YEATS4: variants seen among roughly 807,000 people sequenced by gnomAD.
YEATS4 encodes YEATS domain containing 4.
A neutral mutation model predicts 30.1 loss-of-function variants in YEATS4; 17 were observed. The ratio of observed to expected loss-of-function variants is 0.56; its 90% CI spans 0.39 to 0.85. The LOEUF is 0.85. YEATS4 is among the 40% of genes least tolerant of loss of function. YEATS4 has a pLI of 0.00. For missense variants in YEATS4, 142 were observed against 268.3 expected, an observed-to-expected ratio of 0.53 and a Z score of 3.29; for synonymous variants, 85 against 87.5, an observed-to-expected ratio of 0.97 and a Z score of 0.16.
the YEATS4 span, among the ~76,000 whole-genome samples, chr12:69,403,589 AAAG>A: frequency 1.3e-5 from 2 of 151,928 alleles, no homozygotes; most frequent in African/African-American, 2.4e-5. Context: ...AAAAAAAAAA[AAAG>A]AAAAAAAGAG....
At chr12:69,371,336 A>G (rs946615665) in intron 6 of YEATS4, among the ~76,000 whole-genome samples, 2 of 152,178 alleles carry the variant, frequency 1.3e-5, no homozygotes, top group Non-Finnish European at 2.9e-5. Context: ...CCATAATTAT[A>G]CTTTTATATA....
chr12:69,392,266 C>A (rs1421304872), downstream of YEATS4, among the ~76,000 whole-genome samples: 1 of 152,088 alleles, frequency 6.6e-6, no homozygotes, highest in Non-Finnish European at 1.5e-5. Context: ...AAAATTGGAA[C>A]CCTCATATAT....
intron 6 of YEATS4, among the ~76,000 whole-genome samples, chr12:69,380,456 G>A (rs1031930766): frequency 9.2e-5 from 14 of 152,162 alleles, no homozygotes; most frequent in African/African-American, 3.1e-4. Context: ...CCAAACAAAC[G>A]GAGTTTCTGT....
chr12:69,373,767 T>A (rs941403071), intron 6 of YEATS4, among the ~76,000 whole-genome samples: 1 of 151,960 alleles, frequency 6.6e-6, no homozygotes, highest in Non-Finnish European at 1.5e-5. Context: ...GATCTTAGAT[T>A]TAAGTCTTTA....
the YEATS4 span, among the ~76,000 whole-genome samples, chr12:69,402,608 T>C: frequency 6.6e-6 from 1 of 152,136 alleles, no homozygotes; most frequent in Non-Finnish European, 1.5e-5. Context: ...CAGTCAGACA[T>C]AGATGAGTGC....
chr12:69,418,514 C>T, the YEATS4 span, among the ~76,000 whole-genome samples: 1 of 152,176 alleles, frequency 6.6e-6, no homozygotes, highest in African/African-American at 2.4e-5. Flanking sequence ...GTTTGCTCTC[C>T]TTCTTTGTTA....
chr12:69,413,589 C>A, the YEATS4 span, among the ~76,000 whole-genome samples: 2 of 145,022 alleles, frequency 1.4e-5, no homozygotes, highest in Admixed American at 1.5e-4. Context: ...CAGTGACTCA[C>A]ACCTGTAATC....
intron 6 of YEATS4, among the ~76,000 whole-genome samples, chr12:69,371,418 A>G (rs190118509): frequency 1.5e-4 from 23 of 152,336 alleles, no homozygotes; most frequent in African/African-American, 5.3e-4. Context: ...TCAAGTGTTG[A>G]CTACCTGAAT....
chr12:69,388,980 T>C (rs761057856), intron 6 of YEATS4, among the ~76,000 whole-genome samples: 2 of 152,098 alleles, frequency 1.3e-5, no homozygotes, highest in African/African-American at 2.4e-5. Context: ...TCTCAACAAA[T>C]AATATTATGA....
At chr12:69,408,977 T>C in the YEATS4 span, among the ~76,000 whole-genome samples, 16 of 152,286 alleles carry the variant, frequency 1.1e-4, no homozygotes, top group South Asian at 3.1e-3. Flanking sequence ...CTTGAGTAGG[T>C]TACTGGATTT....
the YEATS4 span, among the ~76,000 whole-genome samples, chr12:69,402,036 G>T: frequency 6.6e-6 from 1 of 152,164 alleles, no homozygotes; most frequent in Non-Finnish European, 1.5e-5. Flanking sequence ...AAGAGGAGGC[G>T]TTAGTCTTGT....
the YEATS4 span, among the ~76,000 whole-genome samples, chr12:69,402,725 CTTTT>C: frequency 1.8e-5 from 2 of 113,116 alleles, no homozygotes; most frequent in Non-Finnish European, 1.8e-5. Context: ...TCTTTCTTTT[CTTTT>C]TTTTTTTTTT....
At chr12:69,363,974 T>C (rs565038228) in intron 2 of YEATS4, among the ~76,000 whole-genome samples, 11 of 152,264 alleles carry the variant, frequency 7.2e-5, no homozygotes, top group African/African-American at 2.4e-4. Flanking sequence ...GGCCAAATAT[T>C]ATATGCTTTT....
intron 6 of YEATS4, among the ~76,000 whole-genome samples, chr12:69,376,387 AATG>A (rs2120996023): frequency 6.6e-6 from 1 of 152,312 alleles, no homozygotes; most frequent in African/African-American, 2.4e-5. Context: ...ATAAATAAAT[AATG>A]ATAATATCAT....
At chr12:69,380,639 C>T (rs972671949) in intron 6 of YEATS4, among the ~76,000 whole-genome samples, 2 of 152,148 alleles carry the variant, frequency 1.3e-5, no homozygotes, top group African/African-American at 4.8e-5. Flanking sequence ...CCCTAAGGCT[C>T]TATAATCAGC....
At chr12:69,421,916 A>G in the YEATS4 span, among the ~76,000 whole-genome samples, 1 of 152,178 alleles carries the variant, frequency 6.6e-6, no homozygotes, top group Admixed American at 6.5e-5. Flanking sequence ...GAACACCCCT[A>G]TAGGCTCTAT....
intron 6 of YEATS4, among the ~76,000 whole-genome samples, chr12:69,386,287 C>A (rs1464908745): frequency 6.6e-6 from 1 of 152,186 alleles, no homozygotes; most frequent in Non-Finnish European, 1.5e-5. Flanking sequence ...TATGTTATAT[C>A]TACAGTGAAT....
At chr12:69,417,098 A>AAAAAT in the YEATS4 span, among the ~76,000 whole-genome samples, 34 of 151,822 alleles carry the variant, frequency 2.2e-4, no homozygotes, top group East Asian at 3.3e-3. Context: ...ATAAGTAAAT[A>AAAAAT]AAAATAAAAT....
intron 4 of YEATS4, among the ~76,000 whole-genome samples, chr12:69,367,859 A>G (rs1257637727): frequency 6.6e-6 from 1 of 152,110 alleles, no homozygotes; most frequent in East Asian, 1.9e-4. Flanking sequence ...TAACTTTGTA[A>G]GATTGCTGGG....
Sources: allele counts gnomAD v4.1 joint callset (sites outside exome capture counted in the v4.1 genomes callset), GRCh38; gene constraint gnomAD v4.1.1; transcripts MANE v1.5; gene names NCBI Gene and HGNC (gene_info 2026-07-23, HGNC 2026-07-21).